SYNJ2: variants seen among roughly 807,000 people sequenced by gnomAD.
SYNJ2 encodes the protein polyphosphatidylinositol phosphatase SYNJ2.
SYNJ2 carries 116 observed loss-of-function variants against 141.3 expected under a neutral mutation model. That is an observed-to-expected ratio of 0.82 (90% CI 0.71 to 0.96). The LOEUF is 0.96. Among genes scored for constraint, SYNJ2 ranks in the 40% least tolerant of loss-of-function variants. The pLI is 0.00. For missense variants in SYNJ2, 1,873 were observed against 1,934.8 expected (o/e 0.97, Z 0.60); for synonymous variants, 745 against 777.7 (o/e 0.96, Z 0.70).
chr6:158,028,544 C>T, intron 2 of SYNJ2: 1 of 617,066 alleles, frequency 1.6e-6, no homozygotes, highest in Non-Finnish European at 2.8e-6. Flanking sequence ...GACTTGCTGG[C>T]CAGGGTCCCA....
intron 11 of SYNJ2, among the ~76,000 whole-genome samples, chr6:158,066,002 G>T (rs994984044): frequency 2.0e-5 from 3 of 152,256 alleles, no homozygotes; most frequent in African/African-American, 7.2e-5. Flanking sequence ...AAAGGTGGCT[G>T]TCTGGGTTGG....
rs1218063512 is a variant in SYNJ2 at position 158,071,782 on chromosome 6, C to T, written c.2121C>T (p.Leu707=). The change falls in exon 15 of 27, where the codon CTC becomes CTT. Residue 707 remains leucine (L), a synonymous_variant. Transcript: ENST00000355585. The surrounding 1 kb of genome is among the most constrained non-coding windows in gnomAD (Gnocchi z 4.3). The part of the protein sequence containing the change: ...NEDYKEITQK[L]CFPMGRNVFS... ...ACTACAAGGAGATCACCCAGAAACT[C>T]TGCTTCCCAATGGTGAGCGGCGCCG... is the stretch of plus-strand genomic sequence containing the variant. 6.2e-7 allele frequency: 1 copy of T among 1,613,532 alleles called. No homozygotes were observed. Among genetic ancestry groups the T allele is most frequent in the Admixed American group, 1.7e-5 (1 of 60,024 alleles).
At position 157,983,567 on chromosome 6, in the gene SYNJ2, G is replaced by T. The variant is rs150761493; in HGVS notation, c.127+1479G>T. On this transcript the variant is annotated intron_variant, in intron 1 of 26. Transcript: ENST00000355585. The stretch of plus-strand genomic sequence containing the variant: ...TTAAGCCAAGTTCATACACATTCAA[G>T]AATTCTTTGAAGCAGCTTAGAAAAA... 3.3e-5 allele frequency among the ~76,000 whole-genome samples: 5 copies of T among 152,324 alleles called. No homozygotes were observed. The South Asian group carries it at 6.2e-4, about 19-fold the overall frequency.
At chr6:157,991,246 G>T (rs1209445210) in intron 1 of SYNJ2, among the ~76,000 whole-genome samples, 1 of 152,170 alleles carries the variant, frequency 6.6e-6, no homozygotes, top group Non-Finnish European at 1.5e-5. Flanking sequence ...AAGGAGATTG[G>T]CTGAGAACAC....
At chr6:157,993,794 TG>T (rs1777539303) in intron 1 of SYNJ2, among the ~76,000 whole-genome samples, 3 of 96,512 alleles carry the variant, frequency 3.1e-5, no homozygotes, top group South Asian at 3.6e-4. Context: ...TGGAAATGTG[TG>T]GGTTTTTTTT....
intron 1 of SYNJ2, among the ~76,000 whole-genome samples, chr6:158,006,471 C>T (rs1238790520): frequency 6.6e-6 from 1 of 152,158 alleles, no homozygotes; most frequent in Non-Finnish European, 1.5e-5. Context: ...TTCCTTGAAA[C>T]GCTTTCTTCT....
intron 1 of SYNJ2, among the ~76,000 whole-genome samples, chr6:158,014,167 A>G (rs560117004): frequency 1.3e-5 from 2 of 152,230 alleles, no homozygotes; most frequent in Non-Finnish European, 2.9e-5. Flanking sequence ...TTTGTATTTC[A>G]TGATTTCGCC....
rs553302274 is a variant in SYNJ2, at chr6:157,988,273, G to C, written c.127+6185G>C. 2.6e-5 allele frequency among the ~76,000 whole-genome samples: 4 copies of C among 152,374 alleles called. No individual in the cohort carries two copies. In the South Asian group the frequency reaches 8.3e-4, roughly 32 times the overall value. On this transcript the variant is annotated intron_variant, in intron 1 of 26. Transcript: ENST00000355585. ...CCCTGCAGGGGGGCATGAAGCCCAG[G>C]TTGGGGGAAGTCGGGGAAGAGAAGG...
At chr6:158,045,099 CTT>C (rs761042284) in intron 5 of SYNJ2, among the ~76,000 whole-genome samples, 16 of 112,278 alleles carry the variant, frequency 1.4e-4, no homozygotes, top group African/African-American at 4.7e-4. Context: ...AGGGGTCCTC[CTT>C]TTTTTTTTTT....
intron 12 of SYNJ2, chr6:158,068,001 G>T (rs1049293837): frequency 2.0e-6 from 2 of 985,232 alleles, no homozygotes; most frequent in African/African-American, 1.7e-5. Context: ...CTGGTATTTT[G>T]CAGGGGATTT....
chr6:157,991,208 C>T (rs766084716), intron 1 of SYNJ2, among the ~76,000 whole-genome samples: 4 of 152,130 alleles, frequency 2.6e-5, no homozygotes, highest in East Asian at 1.9e-4. Flanking sequence ...GTGGTGAGTG[C>T]GTTGTGACCA....
At chr6:158,046,397 A>T (rs1433585979) in intron 5 of SYNJ2, among the ~76,000 whole-genome samples, 6 of 152,186 alleles carry the variant, frequency 3.9e-5, no homozygotes, top group Non-Finnish European at 8.8e-5. Context: ...GGGGGCCGGG[A>T]GGGCAGCGGG....
At chr6:158,048,429 T>G (rs1780374534) in intron 5 of SYNJ2, among the ~76,000 whole-genome samples, 1 of 151,902 alleles carries the variant, frequency 6.6e-6, no homozygotes, top group African/African-American at 2.4e-5. Context: ...GGAGGAGAGA[T>G]AGGAGAGGTG....
chr6:158,075,639 CAA>C (rs1202668490), intron 16 of SYNJ2, among the ~76,000 whole-genome samples: 1 of 136,402 alleles, frequency 7.3e-6, no homozygotes, highest in Non-Finnish European at 1.6e-5. Flanking sequence ...AACTCCGTCT[CAA>C]AAAAAAAAAA....
At chr6:158,051,295 GCAGGTAGCCC>G (rs1780550787) in intron 5 of SYNJ2, among the ~76,000 whole-genome samples, 2 of 152,136 alleles carry the variant, frequency 1.3e-5, no homozygotes, top group African/African-American at 4.8e-5. Flanking sequence ...ACCACACAGA[GCAGGTAGCCC>G]CTCTCTTGGG....
intron 5 of SYNJ2, among the ~76,000 whole-genome samples, chr6:158,045,208 A>G (rs1347189612): frequency 6.7e-6 from 1 of 150,280 alleles, no homozygotes; most frequent in African/African-American, 2.5e-5. Flanking sequence ...CCCGAGTTCA[A>G]GCCGTTCCCC....
At chr6:158,067,688 G>A (rs1039917000) in intron 12 of SYNJ2, 6 of 985,258 alleles carry the variant, frequency 6.1e-6, no homozygotes, top group Non-Finnish European at 7.2e-6. Context: ...CCCCACAGCT[G>A]CCTGGGTAGT....
rs183705107 is a variant in SYNJ2, at chr6:158,040,548, A to T, written c.712-2768A>T. ...CTCAGTCTATTAAAAAAAAAAAAGG[A>T]TGTAAGATAAATATTTGGCTATTCA... On this transcript the variant is annotated intron_variant, in intron 4 of 26. Coordinates refer to ENST00000355585, the MANE Select transcript of SYNJ2 (RefSeq NM_003898.4). This position sits in a 1 kb window ranked among gnomAD's most constrained non-coding sequence, Gnocchi z 4.2. Among the ~76,000 whole-genome samples, 33 of 151,432 alleles carry T rather than the reference A, an allele frequency of 2.2e-4. No homozygotes were observed. In the East Asian group the frequency reaches 5.0e-3, roughly 23 times the overall value.
At chr6:158,054,203 A>G (rs1165360197) in intron 5 of SYNJ2, among the ~76,000 whole-genome samples, 2 of 151,032 alleles carry the variant, frequency 1.3e-5, no homozygotes, top group African/African-American at 2.4e-5. Flanking sequence ...CCACTCAGCT[A>G]TTCATCCATC....
Sources: gnomAD v4.1 joint callset for allele counts (sites outside exome capture counted in the v4.1 genomes callset) on GRCh38, gnomAD v4.1.1 for gene constraint, Gnocchi (gnomAD v3.1) non-coding constraint, MANE v1.5 for transcripts, NCBI Gene and HGNC (gene_info 2026-07-23, HGNC 2026-07-21) for gene names.